UHRF1: variants seen among roughly 807,000 people sequenced by gnomAD.
UHRF1 encodes ubiquitin like with PHD and ring finger domains 1, also known as E3 ubiquitin-protein ligase UHRF1.
UHRF1 carries 9 observed loss-of-function variants against 96.5 expected under a neutral mutation model. The observed-to-expected ratio is 0.09, with a 90% CI of 0.06 to 0.16. The LOEUF is 0.16. UHRF1 is among the 10% of genes least tolerant of loss of function. The pLI is 1.00. For missense variants in UHRF1, 626 were observed against 1,131.1 expected (o/e 0.55, Z 6.40); for synonymous variants, 455 against 469.9 (o/e 0.97, Z 0.41).
intron 15 of UHRF1, among the ~76,000 whole-genome samples, chr19:4,955,844 C>T (rs1192994830): frequency 6.6e-6 from 1 of 152,212 alleles, no homozygotes; most frequent in Non-Finnish European, 1.5e-5. Context: ...GTCACCCAGG[C>T]TGGAGTGCGG....
rs2033810652 is a variant in UHRF1 at position 4,954,725 on chromosome 19, C to A, written c.2033C>A (p.Ala678Asp). 2 of 1,613,758 alleles carry A rather than the reference C, an allele frequency of 1.2e-6. No homozygotes were observed. Among genetic ancestry groups the A allele is most frequent in the Admixed American group, 1.7e-5 (1 of 60,018 alleles). ...KTKVEPYSLT[A>D]QQSSLIREDK... Reference sequence around the variant, plus strand: ...AAGGTGGAGCCCTACAGTCTCACGGCCCAGCAGAGCAGCCTCATCAGAGAG... The same window carrying A: ...AAGGTGGAGCCCTACAGTCTCACGGACCAGCAGAGCAGCCTCATCAGAGAG... The change falls in exon 15 of 17, where the codon GCC (alanine) becomes GAC (aspartate). Residue 678 changes from alanine to aspartate, a missense_variant. This residue lies in a region of UHRF1 where 90 missense variants were observed against 94.7 expected (regional missense o/e 0.95). Transcript: ENST00000650932. This position sits in a 1 kb window ranked among gnomAD's most constrained non-coding sequence, Gnocchi z 5.9.
rs573881010 is a variant in UHRF1 at position 4,909,916 on chromosome 19, G to T, written c.-11+261G>T. On this transcript the variant is annotated intron_variant, in intron 1 of 16. Coordinates refer to ENST00000650932, the MANE Select transcript of UHRF1 (RefSeq NM_001048201.3). ...TGGGGGAGGGCCTGGCGAGCCGCCG[G>T]GGAGGATGTCAGGCTCCGCGCCTGC... 4.0e-5 allele frequency among the ~76,000 whole-genome samples: 6 copies of T among 151,490 alleles called. No homozygotes were observed. In the South Asian group the frequency reaches 1.2e-3, roughly 31 times the overall value.
chr19:4,918,277 G>A (rs1568409470), intron 2 of UHRF1, among the ~76,000 whole-genome samples: 1 of 151,790 alleles, frequency 6.6e-6, no homozygotes, highest in Non-Finnish European at 1.5e-5. Flanking sequence ...ACACCACCAC[G>A]TCCGGCTAAT....
chr19:4,912,966 C>T (rs1020432399), intron 2 of UHRF1, among the ~76,000 whole-genome samples: 4 of 151,968 alleles, frequency 2.6e-5, no homozygotes, highest in African/African-American at 7.2e-5. Context: ...TATTATATTG[C>T]CCAGGGTGGT....
At chr19:4,924,748 G>A (rs2032814097) in intron 2 of UHRF1, among the ~76,000 whole-genome samples, 1 of 151,696 alleles carries the variant, frequency 6.6e-6, no homozygotes, top group African/African-American at 2.4e-5. Flanking sequence ...ACAGTTGATG[G>A]CCCGATGGCC....
intron 5 of UHRF1, among the ~76,000 whole-genome samples, chr19:4,939,790 C>G (rs1045598620): frequency 1.3e-5 from 2 of 152,042 alleles, no homozygotes; most frequent in Non-Finnish European, 2.9e-5. Flanking sequence ...TTTGGGGGGC[C>G]GAGGTGGGCG....
At chr19:4,911,448 GCT>G (rs1281913949) in intron 2 of UHRF1, among the ~76,000 whole-genome samples, 1 of 152,082 alleles carries the variant, frequency 6.6e-6, no homozygotes, top group East Asian at 1.9e-4. Flanking sequence ...ACCACCAATT[GCT>G]CTCAGCCTGT....
Position 4,960,950 on chromosome 19 carries a change from T to C in UHRF1, c.*147T>C. 1.9e-6 allele frequency: 1 copy of C among 533,616 alleles called. No individual in the cohort carries two copies. Among genetic ancestry groups the C allele is most frequent in the South Asian group, 2.3e-5 (1 of 43,384 alleles). 33.1% of individuals were successfully genotyped at this position (533,616 alleles called of 1,614,324 possible). ...AGGTTTGTCTTCCTTTTTTTTTTTATTTTTATTTTTCAAATCTATACATTT... is the reference window on the plus strand; with the variant it reads ...AGGTTTGTCTTCCTTTTTTTTTTTACTTTTATTTTTCAAATCTATACATTT... On this transcript the variant is annotated 3_prime_UTR_variant, in exon 17 of 17. Coordinates refer to ENST00000650932, the MANE Select transcript of UHRF1 (RefSeq NM_001048201.3).
At chr19:4,937,239 C>T (rs2033244070) in intron 5 of UHRF1, among the ~76,000 whole-genome samples, 1 of 150,640 alleles carries the variant, frequency 6.6e-6, no homozygotes, top group African/African-American at 2.4e-5. Context: ...TACCGCATAT[C>T]AGTAGCTCAT....
intron 2 of UHRF1, among the ~76,000 whole-genome samples, chr19:4,922,411 G>A (rs1382205988): frequency 2.0e-5 from 3 of 151,572 alleles, no homozygotes; most frequent in East Asian, 1.9e-4. Flanking sequence ...GACTACAGGC[G>A]CCCACCACCA....
chr19:4,936,798 GTC>G (rs2033228776), intron 5 of UHRF1, among the ~76,000 whole-genome samples: 1 of 141,858 alleles, frequency 7.0e-6, no homozygotes, highest in Non-Finnish European at 1.5e-5. Flanking sequence ...CAGCAAGAGA[GTC>G]TGCAAAAAAA....
chr19:4,937,293 CTTT>C (rs11411657), intron 5 of UHRF1, among the ~76,000 whole-genome samples: 7 of 125,424 alleles, frequency 5.6e-5, no homozygotes, highest in Admixed American at 8.5e-5. Flanking sequence ...AGATGGGCCA[CTTT>C]TTTTTTTTTT....
intron 2 of UHRF1, among the ~76,000 whole-genome samples, chr19:4,916,608 G>C (rs1040510397): frequency 1.3e-5 from 2 of 152,126 alleles, no homozygotes; most frequent in African/African-American, 4.8e-5. Context: ...CACCCGTCCT[G>C]TGTGCTGGGA....
intron 13 of UHRF1, among the ~76,000 whole-genome samples, chr19:4,952,162 G>A (rs1013555758): frequency 6.7e-6 from 1 of 148,908 alleles, no homozygotes; most frequent in Non-Finnish European, 1.5e-5. Context: ...GTGGGATCTC[G>A]GCTCTCTGCA....
In UHRF1 at chr19:4,954,326, C is replaced by T. The variant is rs748814833; in HGVS notation, c.1819-24C>T. On this transcript the variant is annotated intron_variant, in intron 13 of 16. Transcript: ENST00000650932. The surrounding 1 kb of genome is among the most constrained non-coding windows in gnomAD (Gnocchi z 5.9). ...GCGTGTGGGCCCCAAGCCTGACTCA[C>T]GGCTGTCCCTCTTCCTCCTGAAGTA... 57 of 1,607,880 alleles carry T rather than the reference C, an allele frequency of 3.5e-5. No homozygotes were observed. The Middle Eastern group carries it at 6.4e-4, about 18-fold the overall frequency.
intron 2 of UHRF1, among the ~76,000 whole-genome samples, chr19:4,927,168 G>T (rs1034491294): frequency 1.3e-5 from 2 of 151,928 alleles, no homozygotes; most frequent in Non-Finnish European, 2.9e-5. Context: ...TCCCTTCAGC[G>T]TAGGAGTTCA....
At chr19:4,929,123 A>T in intron 2 of UHRF1, 99 bp from the exon 3 acceptor site, 1 of 1,330,016 alleles carries the variant, frequency 7.5e-7, no homozygotes, top group Non-Finnish European at 1.0e-6. Flanking sequence ...CCCCCCCCCC[A>T]CAAGGGCTGG....
At position 4,941,515 on chromosome 19, in the gene UHRF1, T is replaced by C. The variant is rs367859930; in HGVS notation, c.786-13T>C. 3.5e-5 allele frequency: 57 copies of C among 1,608,842 alleles called. No individual in the cohort carries two copies. The East Asian group carries it at 3.8e-4, about 11-fold the overall frequency. Reference sequence around the variant, plus strand: ...GGCAGGCCAGAATGTTCCAGCGTCCTCGTTCCTTGCAGGGATGATTCTCTG... The same window carrying C: ...GGCAGGCCAGAATGTTCCAGCGTCCCCGTTCCTTGCAGGGATGATTCTCTG... On this transcript the variant is annotated splice_polypyrimidine_tract_variant and intron_variant, in intron 5 of 16. Coordinates refer to ENST00000650932, the MANE Select transcript of UHRF1 (RefSeq NM_001048201.3).
At chr19:4,929,122 C>T (rs566055334) in intron 2 of UHRF1, 100 bp from the exon 3 acceptor site, 17 of 1,439,294 alleles carry the variant, frequency 1.2e-5, no homozygotes, top group Admixed American at 2.1e-5. Flanking sequence ...GCCCCCCCCC[C>T]ACAAGGGCTG....
Sources: gnomAD v4.1 joint callset for allele counts (sites outside exome capture counted in the v4.1 genomes callset) on GRCh38, gnomAD v4.1.1 for gene constraint, gnomAD v4.1.1 regional missense constraint, Gnocchi (gnomAD v3.1) non-coding constraint, MANE v1.5 for transcripts, NCBI Gene and HGNC (gene_info 2026-07-23, HGNC 2026-07-21) for gene names.